The following FUT8 variants were observed in gnomAD, a reference collection of about 807,000 sequenced individuals.
FUT8 encodes fucosyltransferase 8, also known as alpha-(1,6)-fucosyltransferase.
Under a neutral mutation model 71.3 loss-of-function variants are expected in FUT8, and 29 were observed. The ratio of observed to expected loss-of-function variants is 0.41; its 90% CI spans 0.30 to 0.55. FUT8 has a LOEUF of 0.55. Ranked by LOEUF, FUT8 falls within the 20% of genes least tolerant of loss-of-function variation. The pLI is 0.34. For synonymous variants in FUT8, 254 were observed against 239.3 expected, an observed-to-expected ratio of 1.06 and a Z score of -0.57; for missense variants, 544 against 702.1, an observed-to-expected ratio of 0.77 and a Z score of 2.55.
At chr14:65,495,619 A>G (rs1465446627) in intron 2 of FUT8, among the ~76,000 whole-genome samples, 2 of 152,348 alleles carry the variant, frequency 1.3e-5, no homozygotes, top group African/African-American at 4.8e-5. Flanking sequence ...ACTAAACAAC[A>G]GCAATAGGAT....
chr14:65,726,191 A>G (rs1317015100), intron 9 of FUT8, among the ~76,000 whole-genome samples: 1 of 152,260 alleles, frequency 6.6e-6, no homozygotes, highest in Admixed American at 6.5e-5. Flanking sequence ...CTGAATTTGT[A>G]GCTTGGTTGA....
rs574807650 is a variant in FUT8, at chr14:65,481,764, A to G, written c.-228+26046A>G. Among the ~76,000 whole-genome samples, 3 of 151,948 alleles carry G rather than the reference A, an allele frequency of 2.0e-5. No individual in the cohort carries two copies. In the South Asian group the frequency reaches 6.2e-4, roughly 32 times the overall value. ...ATTCCTGTGTTTATTTATCCTTTGT[A>G]TATTTTCTTTGGTAAAATATCTGTT... On this transcript the variant is annotated intron_variant, in intron 2 of 10. Transcript: ENST00000673929.
intron 1 of FUT8, among the ~76,000 whole-genome samples, chr14:65,449,545 T>C (rs1229805279): frequency 6.6e-6 from 1 of 152,172 alleles, no homozygotes; most frequent in Non-Finnish European, 1.5e-5. Context: ...CCATTGTCAG[T>C]GTGCTTTTCT....
rs145630641 is a variant in FUT8 at position 65,483,568 on chromosome 14, A to G, written c.-228+27850A>G. The stretch of plus-strand genomic sequence containing the variant: ...TTAACGATATCAAGTCTTCTGACTC[A>G]TGAATAAAATGTCTCCATTTATTTG... On this transcript the variant is annotated intron_variant, in intron 2 of 10. Coordinates refer to ENST00000673929, the MANE Select transcript of FUT8 (RefSeq NM_001371533.1). The surrounding 1 kb of genome is among the most constrained non-coding windows in gnomAD (Gnocchi z 4.4). 6.6e-6 allele frequency among the ~76,000 whole-genome samples: 1 copy of G among 152,354 alleles called. No homozygotes were observed.
At chr14:65,418,570 T>C (rs901072505) in intron 1 of FUT8, among the ~76,000 whole-genome samples, 1 of 152,240 alleles carries the variant, frequency 6.6e-6, no homozygotes, top group African/African-American at 2.4e-5. Context: ...AGTGGACAGA[T>C]ATAATTTATA....
At chr14:65,740,967 G>A (rs1344207706) in intron 10 of FUT8, among the ~76,000 whole-genome samples, 1 of 151,974 alleles carries the variant, frequency 6.6e-6, no homozygotes, top group Non-Finnish European at 1.5e-5. Context: ...ATTACTATGA[G>A]TAGCGTCATT....
In FUT8 at chr14:65,551,533, C is replaced by G. The variant is rs539595728; in HGVS notation, c.-227-9804C>G. Among the ~76,000 whole-genome samples, 5 of 152,124 alleles carry G rather than the reference C, an allele frequency of 3.3e-5. No homozygotes were observed. In the South Asian group the frequency reaches 6.2e-4, roughly 19 times the overall value. On this transcript the variant is annotated intron_variant, in intron 2 of 10. Coordinates refer to ENST00000673929, the MANE Select transcript of FUT8 (RefSeq NM_001371533.1). ...AAATTTCCTAAGAGGATAGATCTTACGTAAAGTATTCTTACTACAAACACA... is the reference window on the plus strand; with the variant it reads ...AAATTTCCTAAGAGGATAGATCTTAGGTAAAGTATTCTTACTACAAACACA...
chr14:65,495,184 T>TA lies in FUT8; in HGVS notation c.-228+39480dup, dbSNP rs34401031. 4.3e-3 allele frequency among the ~76,000 whole-genome samples: 628 copies of TA among 144,510 alleles called. 2 individuals are homozygous for TA. The highest frequency in any genetic ancestry group is 0.014 in the African/African-American group (537 of 39,486). The allele number at this position is 144,510 out of a possible 152,430, so 94.8% of individuals were successfully genotyped here. ...GAATTACTGAAGTTTGCTTTTCCCT[T>TA]AAAAAAAAAAAAAACCCAGTAAATT... On this transcript the variant is annotated intron_variant, in intron 2 of 10. Coordinates refer to ENST00000673929, the MANE Select transcript of FUT8 (RefSeq NM_001371533.1).
Position 65,439,954 on chromosome 14 carries a change from G to GTGTACATATATATATATATATATATA in FUT8, c.-325-15666_-325-15665insGTACATATATATATATATATATATAT. Among the ~76,000 whole-genome samples the GTGTACATATATATATATATATATATA allele has an allele frequency of 6.7e-5, 5 of 74,984 alleles. 1 individual carries two copies. The highest frequency in any genetic ancestry group is 1.2e-4 in the Non-Finnish European group (5 of 40,304). The allele number at this position is 74,984 out of a possible 152,430, so 49.2% of individuals were successfully genotyped here. On this transcript the variant is annotated intron_variant, in intron 1 of 10. Coordinates refer to ENST00000673929, the MANE Select transcript of FUT8 (RefSeq NM_001371533.1). ...ATAAAGAAAATGTGTGTGTGTGTGTGTATATATATATATATATATATATAT... is the reference window on the plus strand; with the variant it reads ...ATAAAGAAAATGTGTGTGTGTGTGTGTGTACATATATATATATATATATATATATATATATATATATATATATATAT...
chr14:65,742,436 CA>C lies in FUT8; in HGVS notation c.*29del, dbSNP rs1896551850. 2 of 1,592,742 alleles carry C rather than the reference CA, an allele frequency of 1.3e-6. No individual in the cohort carries two copies. Among genetic ancestry groups the C allele is most frequent in the Non-Finnish European group, 1.7e-6 (2 of 1,166,398 alleles). ...AGCTCAGATGGAAGAGATAAACGAC[CA>C]AACTCAGTTCGACCAAACTCAGTTC... On this transcript the variant is annotated 3_prime_UTR_variant, in exon 11 of 11. Transcript: ENST00000673929.
At chr14:65,478,482 T>C (rs2066281360) in intron 2 of FUT8, among the ~76,000 whole-genome samples, 1 of 152,196 alleles carries the variant, frequency 6.6e-6, no homozygotes, top group South Asian at 2.1e-4. Context: ...CTTGATATTC[T>C]GAATTCTTAA....
chr14:65,702,838 A>C (rs532614876), intron 7 of FUT8, among the ~76,000 whole-genome samples: 3 of 152,156 alleles, frequency 2.0e-5, no homozygotes, highest in East Asian at 3.9e-4. Context: ...TCCCAGGTTC[A>C]AGTGATTCTC....
At chr14:65,664,528 TC>T (rs1333333456) in intron 6 of FUT8, among the ~76,000 whole-genome samples, 1 of 152,140 alleles carries the variant, frequency 6.6e-6, no homozygotes, top group Admixed American at 6.6e-5. Context: ...TCTTAACTCT[TC>T]CTAAGGTACT....
chr14:65,611,281 ACACACACACACACACACACACC>A (rs1469797483), intron 3 of FUT8, among the ~76,000 whole-genome samples: 1,658 of 47,182 alleles, frequency 0.035, 230 homozygotes, highest in Admixed American at 0.043. Flanking sequence ...ACACACACAC[ACACACACACACACACACACACC>A]CCCCAAGTAA....
intron 2 of FUT8, among the ~76,000 whole-genome samples, chr14:65,512,236 T>C (rs1239391886): frequency 2.6e-5 from 4 of 152,218 alleles, no homozygotes; most frequent in African/African-American, 9.7e-5. Context: ...CGATCTCGGC[T>C]TACTGCAACC....
chr14:65,367,898 T>C, the FUT8 span, among the ~76,000 whole-genome samples: 6 of 152,116 alleles, frequency 3.9e-5, no homozygotes, highest in African/African-American at 1.4e-4. Context: ...CTCCCAATTC[T>C]TTCTTCATAA....
At chr14:65,583,680 T>C (rs1421268136) in intron 3 of FUT8, among the ~76,000 whole-genome samples, 2 of 152,102 alleles carry the variant, frequency 1.3e-5, no homozygotes, top group African/African-American at 4.8e-5. Flanking sequence ...CAAATGCAAT[T>C]AATTTAGCAT....
intron 6 of FUT8, among the ~76,000 whole-genome samples, chr14:65,653,178 G>C (rs1052449268): frequency 6.6e-6 from 1 of 152,182 alleles, no homozygotes; most frequent in Non-Finnish European, 1.5e-5. Flanking sequence ...TTGGTGGAGA[G>C]GGGATGGTTG....
chr14:65,426,556 AT>A (rs1404353033), intron 1 of FUT8, among the ~76,000 whole-genome samples: 1 of 152,192 alleles, frequency 6.6e-6, no homozygotes, highest in African/African-American at 2.4e-5. Context: ...GATAGAAGTT[AT>A]TTTAACAAAG....
Sources: allele counts gnomAD v4.1 joint callset (sites outside exome capture counted in the v4.1 genomes callset), GRCh38; gene constraint gnomAD v4.1.1; non-coding constraint Gnocchi (gnomAD v3.1); transcripts MANE v1.5; gene names NCBI Gene and HGNC (gene_info 2026-07-23, HGNC 2026-07-21).